HSPA12A: variants seen among roughly 807,000 people sequenced by gnomAD.
HSPA12A encodes heat shock 70 kDa protein 12A.
In HSPA12A, 28 loss-of-function variants were observed where a neutral mutation model predicts 69.2. The ratio of observed to expected loss-of-function variants is 0.40; its 90% CI spans 0.30 to 0.55. The LOEUF is 0.55. HSPA12A is among the 20% of genes least tolerant of loss of function. The pLI, the probability that HSPA12A is intolerant of heterozygous loss-of-function variation, is 0.38. For missense variants in HSPA12A, 686 were observed against 900.7 expected (o/e 0.76, Z 3.05); for synonymous variants, 345 against 370.5 (o/e 0.93, Z 0.79).
intron 2 of HSPA12A, among the ~76,000 whole-genome samples, chr10:116,705,615 T>C (rs1406294898): frequency 6.6e-6 from 1 of 152,230 alleles, no homozygotes; most frequent in Non-Finnish European, 1.5e-5. Flanking sequence ...CCTGAGCAGA[T>C]ACAATCTTCT....
At chr10:116,739,526 G>A (rs916050711) in intron 1 of HSPA12A, among the ~76,000 whole-genome samples, 2 of 152,020 alleles carry the variant, frequency 1.3e-5, no homozygotes, top group Non-Finnish European at 2.9e-5. Flanking sequence ...TGGAAAAAAT[G>A]ACTTGGTTTC....
chr10:116,702,568 G>A (rs1554881757), intron 3 of HSPA12A, among the ~76,000 whole-genome samples: 2 of 152,194 alleles, frequency 1.3e-5, no homozygotes. Context: ...TACCCCAGCA[G>A]CCAAAGTCCC....
At chr10:116,813,649 C>T (rs950687488) in intron 2 of HSPA12A, among the ~76,000 whole-genome samples, 5 of 152,000 alleles carry the variant, frequency 3.3e-5, no homozygotes, top group African/African-American at 1.2e-4. Flanking sequence ...GAGGCCAAGG[C>T]GGGAGGATTG....
At chr10:116,809,107 G>C (rs1348907107) in intron 2 of HSPA12A, among the ~76,000 whole-genome samples, 1 of 152,180 alleles carries the variant, frequency 6.6e-6, no homozygotes, top group Non-Finnish European at 1.5e-5. Context: ...AGGGAAGGGG[G>C]AGGATGAGGC....
At position 116,726,166 on chromosome 10, in the gene HSPA12A, GT is replaced by G. The variant is rs553704778; in HGVS notation, c.40+16263del. On this transcript the variant is annotated intron_variant, in intron 1 of 11. Coordinates refer to ENST00000369209, the MANE Select transcript of HSPA12A (RefSeq NM_025015.3). ...AGCCTCAGGCTCTGTCCCCTGGCAT[GT>G]GGCACTTTGCAATCTCACTACCGAA... Among the ~76,000 whole-genome samples, 15 of 152,222 alleles carry G rather than the reference GT, an allele frequency of 9.9e-5. No individual in the cohort carries two copies. The East Asian group carries it at 1.7e-3, about 18-fold the overall frequency.
chr10:116,849,527 A>T, intron 1 of HSPA12A: 1 of 1,462,944 alleles, frequency 6.8e-7, no homozygotes, highest in Non-Finnish European at 9.1e-7. Context: ...CGCTCGTGGG[A>T]CCCCAGGCTA....
Position 116,795,827 on chromosome 10 carries a change from A to G in HSPA12A, c.91+39108T>C, listed in dbSNP as rs142716154. 5.1e-3 allele frequency among the ~76,000 whole-genome samples: 774 copies of G among 151,334 alleles called. 7 individuals are homozygous for G. The highest frequency in any genetic ancestry group is 0.018 in the African/African-American group (733 of 41,410). Reference sequence around the variant, plus strand: ...AAATTCTCATTTCCAAAATGGAAATAATATTTCCTGCTTCATAGCATTGTT... The same window carrying G: ...AAATTCTCATTTCCAAAATGGAAATGATATTTCCTGCTTCATAGCATTGTT... On this transcript the variant is annotated intron_variant, in intron 2 of 12. Transcript: ENST00000635765.
intron 2 of HSPA12A, chr10:116,834,913 C>A (rs558075542): frequency 2.3e-5 from 28 of 1,201,720 alleles, no homozygotes; most frequent in Non-Finnish European, 2.9e-5. Flanking sequence ...TTGATACTTA[C>A]ACACATTAGT....
chr10:116,821,369 T>C (rs1845406847), intron 2 of HSPA12A, among the ~76,000 whole-genome samples: 1 of 152,120 alleles, frequency 6.6e-6, no homozygotes, highest in African/African-American at 2.4e-5. Flanking sequence ...TGCTCCTCCA[T>C]TGGACAGCCA....
At chr10:116,764,652 T>C (rs1844040451) in intron 2 of HSPA12A, among the ~76,000 whole-genome samples, 1 of 152,124 alleles carries the variant, frequency 6.6e-6, no homozygotes, top group South Asian at 2.1e-4. Flanking sequence ...TCTTATGATG[T>C]CTTTTTATAG....
In HSPA12A at chr10:116,674,364, T is replaced by C. The variant is rs1008874380; in HGVS notation, c.*417A>G. On this transcript the variant is annotated 3_prime_UTR_variant, in exon 12 of 12. Coordinates refer to ENST00000369209, the MANE Select transcript of HSPA12A (RefSeq NM_025015.3). Reference sequence around the variant, plus strand: ...TCCAAAAAATTTAGAAAGACAAGTCTCAGATGAAGATCTCCTCCTGGTTCA... The same window carrying C: ...TCCAAAAAATTTAGAAAGACAAGTCCCAGATGAAGATCTCCTCCTGGTTCA... 3.0e-5 allele frequency: 5 copies of C among 166,728 alleles called. No homozygotes were observed. The highest frequency in any genetic ancestry group is 5.6e-5 in the Admixed American group (1 of 17,724). The allele number at this position is 166,728 out of a possible 1,614,324, so 10.3% of individuals were successfully genotyped here.
intron 2 of HSPA12A, among the ~76,000 whole-genome samples, chr10:116,767,364 C>A (rs552214833): frequency 6.9e-4 from 105 of 152,282 alleles, no homozygotes; most frequent in Admixed American, 6.4e-3. Flanking sequence ...ACCCCTCCCC[C>A]ACCAGTGACG....
intron 2 of HSPA12A, among the ~76,000 whole-genome samples, chr10:116,770,377 C>T (rs559274277): frequency 4.7e-4 from 72 of 152,340 alleles, no homozygotes; most frequent in Non-Finnish European, 8.5e-4. Flanking sequence ...CCCGCAGAGG[C>T]CACGCTGTGT....
rs781995893 is a variant in HSPA12A at position 116,742,432 on chromosome 10, C to T, written c.38G>A (p.Arg13Gln). 17 of 1,418,376 alleles carry T rather than the reference C, an allele frequency of 1.2e-5. 1 individual carries two copies. The South Asian group carries it at 2.2e-4, about 18-fold the overall frequency. The allele number at this position is 1,418,376 out of a possible 1,614,324, so 87.9% of individuals were successfully genotyped here. A position where few individuals can be genotyped will look rare whatever the true frequency, so the allele number is the denominator to read the frequency against. Residue 13 changes from arginine to glutamine, a missense_variant and splice_region_variant, in exon 1 of 12, where the codon CGA becomes CAA. Arg to Gln is a conservative substitution (Grantham distance 43). Coordinates refer to ENST00000369209, the MANE Select transcript of HSPA12A (RefSeq NM_025015.3). ...CAGGACCCGCAGCCTGCGCTCACCT[C>T]GGGGCCCGTCGCTGCCGCCGGCCTC... ...DKEAGGSDGP[R>Q]ETAPTSAYSS... is the part of the protein sequence containing the mutation.
At chr10:116,746,538 C>T (rs1012987626), upstream of HSPA12A, among the ~76,000 whole-genome samples, 1 of 152,206 alleles carries the variant, frequency 6.6e-6, no homozygotes, top group Non-Finnish European at 1.5e-5. Flanking sequence ...GCTCCCTGCC[C>T]ACCTCAGGGG....
chr10:116,794,506 G>A (rs1343350295), intron 2 of HSPA12A, among the ~76,000 whole-genome samples: 1 of 152,024 alleles, frequency 6.6e-6, no homozygotes, highest in Non-Finnish European at 1.5e-5. Context: ...ACATCAGAAC[G>A]CAATAGTAAA....
chr10:116,722,419 C>A (rs1286418041), intron 1 of HSPA12A, among the ~76,000 whole-genome samples: 6 of 152,204 alleles, frequency 3.9e-5, no homozygotes, highest in Non-Finnish European at 7.3e-5. Context: ...CCCTGCCTCT[C>A]GCTCTCTCTC....
At chr10:116,752,172 T>C (rs1554888430) in intron 2 of HSPA12A, among the ~76,000 whole-genome samples, 1 of 152,124 alleles carries the variant, frequency 6.6e-6, no homozygotes, top group Admixed American at 6.6e-5. Context: ...CTGCTGGAAG[T>C]CTTGGGGCTA....
chr10:116,742,273 C>T (rs892460972), intron 1 of HSPA12A, among the ~76,000 whole-genome samples, 157 bp downstream of exon 1: 43 of 151,776 alleles, frequency 2.8e-4, no homozygotes, highest in Non-Finnish European at 8.8e-5. Flanking sequence ...CCCGGCCCCG[C>T]TGCTGCTGAC....
Sources: allele counts gnomAD v4.1 joint callset (sites outside exome capture counted in the v4.1 genomes callset), GRCh38; gene constraint gnomAD v4.1.1; transcripts MANE v1.5; gene names NCBI Gene and HGNC (gene_info 2026-07-23, HGNC 2026-07-21).